The following MNT variants were observed in gnomAD, a reference collection of about 807,000 sequenced individuals.
The protein encoded by MNT is MAX network transcriptional repressor.
A neutral mutation model predicts 40.7 loss-of-function variants in MNT; 13 were observed. That is an observed-to-expected ratio of 0.32 (90% CI 0.21 to 0.51). The LOEUF is 0.51. MNT is among the 20% of genes least tolerant of loss of function. The pLI is 0.98. For synonymous variants in MNT, 426 were observed against 354.8 expected, an observed-to-expected ratio of 1.20 and a Z score of -2.26; for missense variants, 757 against 792.0, an observed-to-expected ratio of 0.96 and a Z score of 0.53.
intron 2 of MNT, among the ~76,000 whole-genome samples, chr17:2,394,624 G>C (rs994638929): frequency 2.0e-5 from 3 of 152,140 alleles, no homozygotes; most frequent in Non-Finnish European, 2.9e-5. Context: ...CCTCACCCAA[G>C]AGGCCCATAC....
chr17:2,393,388 G>C (rs1046051984), intron 4 of MNT, among the ~76,000 whole-genome samples: 5 of 152,198 alleles, frequency 3.3e-5, no homozygotes, highest in Non-Finnish European at 7.4e-5. Flanking sequence ...CGAAAAAAGA[G>C]ACACCCCCTC....
At chr17:2,389,453 G>A (rs1188398089) in intron 4 of MNT, 2 of 151,890 alleles carry the variant, frequency 1.3e-5, no homozygotes, top group Non-Finnish European at 2.9e-5. Flanking sequence ...TTTTATATTT[G>A]TAGTAGAGAC....
rs758628438 is a variant in MNT at position 2,387,101 on chromosome 17, C to T, written c.1549G>A (p.Val517Met). The change falls in exon 6 of 6, where the codon GTG becomes ATG. Residue 517 changes from valine (V) to methionine (M), a missense_variant. Physicochemically the swap from Val to Met is conservative, Grantham distance 21. Around this residue, in one of 4 missense-constraint regions of MNT, gnomAD observed 345 missense variants for 380.1 expected, o/e 0.91. Coordinates refer to ENST00000174618, the MANE Select transcript of MNT (RefSeq NM_020310.3). ...QLPLYPQPVAVSHIAHTLSHQ... is the reference protein window; with the variant it reads ...QLPLYPQPVAMSHIAHTLSHQ... ...GAGAGGGTGTGGGCGATGTGGCTCA[C>T]TGCCACGGGCTGCGGGTACAAGGGC... 8 of 1,579,232 alleles carry T rather than the reference C, an allele frequency of 5.1e-6. No individual in the cohort carries two copies. The highest frequency in any genetic ancestry group is 2.3e-5 in the East Asian group (1 of 43,496).
intron 4 of MNT, among the ~76,000 whole-genome samples, chr17:2,389,105 G>A (rs971067474): frequency 4.0e-5 from 6 of 151,662 alleles, no homozygotes; most frequent in Non-Finnish European, 5.9e-5. Flanking sequence ...TTATCTGCCC[G>A]TGCTCCAAGA....
rs1226415811 is a variant in MNT, at chr17:2,385,872, A to T, written c.*1029T>A. 1 of 152,338 alleles carries T rather than the reference A, an allele frequency of 6.6e-6. No homozygotes were observed. Among genetic ancestry groups the T allele is most frequent in the African/African-American group, 2.4e-5 (1 of 41,464 alleles). 9.4% of individuals were successfully genotyped at this position (152,338 alleles called of 1,614,324 possible). On this transcript the variant is annotated 3_prime_UTR_variant, in exon 6 of 6. Transcript: ENST00000174618. ...TCTATGCTCCTGGAAACAAGACCAG[A>T]TGCTGGTCCATGTCTCCCAAACTGC...
chr17:2,393,410 G>C lies in MNT; in HGVS notation c.807+633C>G, dbSNP rs191089597. Among the ~76,000 whole-genome samples the C allele has an allele frequency of 2.0e-5, 3 of 152,330 alleles. No individual in the cohort carries two copies. In the South Asian group the frequency reaches 6.2e-4, roughly 32 times the overall value. ...AGAGACACCCCCTCTTCCTAGCCCA[G>C]GAGGAAGGAAAGCGTGACGTGTTTC... On this transcript the variant is annotated intron_variant, in intron 4 of 5. Coordinates refer to ENST00000174618, the MANE Select transcript of MNT (RefSeq NM_020310.3).
In MNT at chr17:2,385,698, G is replaced by A. The variant is rs1026665801; in HGVS notation, c.*1203C>T. The A allele has an allele frequency of 6.6e-6, 1 of 152,418 alleles. No individual in the cohort carries two copies. Among genetic ancestry groups the A allele is most frequent in the Non-Finnish European group, 1.5e-5 (1 of 68,142 alleles). 9.4% of individuals were successfully genotyped at this position (152,418 alleles called of 1,614,324 possible). A position where few individuals can be genotyped will look rare whatever the true frequency, so the allele number is the denominator to read the frequency against. ...GAGAAGCAGGGTGTTGAGGGGATGG[G>A]AGGACAGAGGCAAAGGGGCTGGAGC... On this transcript the variant is annotated 3_prime_UTR_variant, in exon 6 of 6. Transcript: ENST00000174618.
chr17:2,400,758 C>T lies in MNT; in HGVS notation c.-46G>A. ...GCGCGCCGGGGCCGAGGCTGCGGCC[C>T]GCGAGCCGGGCACAGGTCAGGCTGG... On this transcript the variant is annotated 5_prime_UTR_variant, in exon 1 of 6. Transcript: ENST00000174618. 1.3e-6 allele frequency: 2 copies of T among 1,483,966 alleles called. No individual in the cohort carries two copies. Among genetic ancestry groups the T allele is most frequent in the Non-Finnish European group, 1.8e-6 (2 of 1,120,352 alleles). 91.9% of individuals were successfully genotyped at this position (1,483,966 alleles called of 1,614,324 possible).
At chr17:2,394,398 C>G (rs749175549) in intron 2 of MNT, 52 bp from the exon 3 acceptor site, 6 of 1,611,086 alleles carry the variant, frequency 3.7e-6, no homozygotes, top group Non-Finnish European at 5.1e-6. Flanking sequence ...ATTAGACGGC[C>G]TTCCTGACCA....
chr17:2,387,377 G>A lies in MNT; in HGVS notation c.1273C>T (p.Pro425Ser), dbSNP rs759892069. The change falls in exon 6 of 6, where the codon CCA becomes TCA. Residue 425 changes from proline to serine, a missense_variant. Pro to Ser is a moderately conservative substitution (Grantham distance 74). Coordinates refer to ENST00000174618, the MANE Select transcript of MNT (RefSeq NM_020310.3). The part of the protein sequence containing the change: ...PPAAPAQTLV[P>S]APAHLVATAG... ...GTCGCCACCAGATGGGCTGGAGCTG[G>A]CACCAGTGTCTGGGCAGGGGCAGCC... 16 of 1,612,208 alleles carry A rather than the reference G, an allele frequency of 9.9e-6. No individual in the cohort carries two copies. Among genetic ancestry groups the A allele is most frequent in the Non-Finnish European group, 1.4e-5 (16 of 1,179,338 alleles).
intron 2 of MNT, among the ~76,000 whole-genome samples, 199 bp from the exon 3 acceptor site, chr17:2,394,545 C>T (rs1031344056): frequency 7.2e-5 from 11 of 152,124 alleles, no homozygotes; most frequent in African/African-American, 2.7e-4. Context: ...CAACTCCTGT[C>T]ACCCTCCGTC....
rs1016784755 is a variant in MNT, at chr17:2,388,004, G to A, written c.853C>T (p.Leu285=). 1.9e-6 allele frequency: 3 copies of A among 1,572,050 alleles called. No individual in the cohort carries two copies. The highest frequency in any genetic ancestry group is 2.6e-6 in the Non-Finnish European group (3 of 1,156,982). The change falls in exon 5 of 6, where the codon CTG becomes TTG. Residue 285 remains leucine, a synonymous_variant. Coordinates refer to ENST00000174618, the MANE Select transcript of MNT (RefSeq NM_020310.3). The part of the protein sequence containing the change: ...EKEYEHEMER[L]AREKIATQQR... ...TGCGTGGCAATCTTCTCACGTGCCA[G>A]CCGCTCCATTTCATGCTCATATTCC...
Position 2,386,715 on chromosome 17 carries a change from T to C in MNT, c.*186A>G. On this transcript the variant is annotated 3_prime_UTR_variant, in exon 6 of 6. Transcript: ENST00000174618. ...TTCTCAGAGTCATCTTACCAAGTCC[T>C]AGTGCAGCAGGGTGGCCCTTCCCTC... 1 of 542,810 alleles carries C rather than the reference T, an allele frequency of 1.8e-6. No homozygotes were observed. Among genetic ancestry groups the C allele is most frequent in the Non-Finnish European group, 3.1e-6 (1 of 320,400 alleles). The allele number at this position is 542,810 out of a possible 1,614,324, so 33.6% of individuals were successfully genotyped here.
At chr17:2,400,548 G>A (rs2066607799) in intron 1 of MNT, 92 bp downstream of exon 1, 1 of 1,297,490 alleles carries the variant, frequency 7.7e-7, no homozygotes, top group Non-Finnish European at 1.0e-6. Context: ...CGCCCGGGAG[G>A]GGGCCCTGTC....
chr17:2,394,724 T>G (rs1394264511), intron 2 of MNT, 151 bp downstream of exon 2: 4 of 645,620 alleles, frequency 6.2e-6, no homozygotes, highest in Non-Finnish European at 1.1e-5. Flanking sequence ...AATGGGACAT[T>G]CCTTCCCAGG....
At chr17:2,400,292 C>T (rs1251021432) in intron 1 of MNT, 1 of 254,422 alleles carries the variant, frequency 3.9e-6, no homozygotes, top group African/African-American at 2.3e-5. Flanking sequence ...CACCCCCACG[C>T]AACACCATTC....
chr17:2,392,787 A>G (rs1455222934), intron 4 of MNT: 1 of 150,936 alleles, frequency 6.6e-6, no homozygotes, highest in African/African-American at 2.4e-5. Context: ...GCTGCAGCCA[A>G]TCCGCGAGCC....
At chr17:2,393,174 C>A (rs2151669329) in intron 4 of MNT, among the ~76,000 whole-genome samples, 2 of 151,020 alleles carry the variant, frequency 1.3e-5, no homozygotes, top group East Asian at 4.0e-4. Flanking sequence ...GCCCCACGTC[C>A]CTCCATCCCC....
rs755372271 is a variant in MNT at position 2,395,361 on chromosome 17, T to G, written c.167A>C (p.Glu56Ala). Residue 56 changes from glutamate (E) to alanine (A), a missense_variant, in exon 2 of 6, where the codon GAG becomes GCG. By Grantham distance (107) the Glu-to-Ala change is moderately radical. This residue lies in a region of MNT where 335 missense variants were observed against 291.4 expected (regional missense o/e 1.15). Coordinates refer to ENST00000174618, the MANE Select transcript of MNT (RefSeq NM_020310.3). ...GGGTGGCGCCTCCATGCGGGGTTCC[T>G]CCACAGGAAGGGTATGTGCCAGCCT... Reference protein sequence around the residue: ...LARLAHTLPVEEPRMEAPPLP... With the variant: ...LARLAHTLPVAEPRMEAPPLP... 4 of 1,613,310 alleles carry G rather than the reference T, an allele frequency of 2.5e-6. No homozygotes were observed. In the South Asian group the frequency reaches 4.4e-5, roughly 18 times the overall value.
Sources: gnomAD v4.1 joint callset for allele counts (sites outside exome capture counted in the v4.1 genomes callset) on GRCh38, gnomAD v4.1.1 for gene constraint, gnomAD v4.1.1 regional missense constraint, MANE v1.5 for transcripts, NCBI Gene and HGNC (gene_info 2026-07-23, HGNC 2026-07-21) for gene names.